Variants in TF observed in about 807,000 individuals in gnomAD.
TF encodes the protein transferrin.
A neutral mutation model predicts 82.4 loss-of-function variants in TF; 55 were observed. The observed-to-expected ratio is 0.67, with a 90% confidence interval of 0.54 to 0.84. TF has a LOEUF of 0.84. Among genes scored for constraint, TF ranks in the 40% least tolerant of loss-of-function variants. The pLI is 0.00. For synonymous variants in TF, 332 were observed against 332.6 expected, an observed-to-expected ratio of 1.00 and a Z score of 0.02; for missense variants, 737 against 868.4, an observed-to-expected ratio of 0.85 and a Z score of 1.90.
the TF span, among the ~76,000 whole-genome samples, chr3:133,693,733 G>A: frequency 6.6e-6 from 1 of 152,194 alleles, no homozygotes; most frequent in South Asian, 2.1e-4. Context: ...ACAGCCTCTG[G>A]ATACACAAGG....
chr3:133,759,196 A>C lies in TF; in HGVS notation c.1070A>C (p.Glu357Ala). The stretch of plus-strand genomic sequence containing the variant: ...ATAGGCCCAGAAGCCCCAACAGATG[A>C]ATGCAAGCCTGTGAAGTGGTGTGCG... Reference protein sequence around the residue: ...EGTCPEAPTDECKPVKWCALS... With the variant: ...EGTCPEAPTDACKPVKWCALS... The change falls in exon 9 of 17, where the codon GAA becomes GCA. Residue 357 changes from glutamate (E) to alanine (A), a missense_variant. By Grantham distance (107) the Glu-to-Ala change is moderately radical. Coordinates refer to ENST00000402696, the MANE Select transcript of TF (RefSeq NM_001063.4). 1 of 1,614,126 alleles carries C rather than the reference A, an allele frequency of 6.2e-7. No individual in the cohort carries two copies. Among genetic ancestry groups the C allele is most frequent in the Non-Finnish European group, 8.5e-7 (1 of 1,180,018 alleles).
intron 16 of TF, 179 bp from the exon 17 acceptor site, chr3:133,778,407 T>A: frequency 3.4e-6 from 2 of 591,616 alleles, no homozygotes; most frequent in South Asian, 3.4e-5. Context: ...CTCCCCAGGA[T>A]AGGCACAGGA....
At chr3:133,748,812 A>C (rs1423833392) in intron 2 of TF, 5 of 567,968 alleles carry the variant, frequency 8.8e-6, no homozygotes, top group Non-Finnish European at 1.6e-5. Flanking sequence ...CAGTAGACGC[A>C]AGGGTGACTG....
the TF span, among the ~76,000 whole-genome samples, chr3:133,679,041 T>G: frequency 1.6e-4 from 24 of 151,930 alleles, no homozygotes; most frequent in South Asian, 4.2e-4. Flanking sequence ...CCTGGCTAAT[T>G]TTTGTGTTTT....
chr3:133,713,276 G>A, the TF span, among the ~76,000 whole-genome samples: 12 of 152,362 alleles, frequency 7.9e-5, no homozygotes, highest in East Asian at 2.3e-3. Flanking sequence ...AACTAGAGGT[G>A]TTACAGCAGT....
At chr3:133,770,398 C>T (rs1289148599) in intron 13 of TF, 110 bp from the exon 14 acceptor site, 2 of 918,000 alleles carry the variant, frequency 2.2e-6, no homozygotes, top group Non-Finnish European at 1.8e-6. Context: ...ATGGAAGTTA[C>T]AGTTGCTGTT....
At chr3:133,759,479 G>A (rs1933929103) in intron 9 of TF, 150 bp downstream of exon 9, 2 of 959,052 alleles carry the variant, frequency 2.1e-6, no homozygotes, top group Admixed American at 1.9e-5. Flanking sequence ...CCCACCGGAG[G>A]TTCAGAATCT....
Position 133,755,488 on chromosome 3 carries a change from G to C in TF, c.628G>C (p.Ala210Pro), listed in dbSNP as rs776386229. Residue 210 changes from alanine (A) to proline (P), a missense_variant, in exon 5 of 17, where the codon GCC becomes CCC. Physicochemically the swap from Ala to Pro is conservative, Grantham distance 27 (BLOSUM62 -1). Coordinates refer to ENST00000402696, the MANE Select transcript of TF (RefSeq NM_001063.4). ...TAACCAATACTTCGGCTACTCGGGA[G>C]CCTTCAAGTGAGTGAGATGTCTGCT... ...TLNQYFGYSG[A>P]FKCLKDGAGD... The C allele has an allele frequency of 1.2e-6, 2 of 1,613,982 alleles. No homozygotes were observed. Among genetic ancestry groups the C allele is most frequent in the South Asian group, 2.2e-5 (2 of 91,082 alleles).
At chr3:133,675,832 A>G in the TF span, among the ~76,000 whole-genome samples, 1 of 152,196 alleles carries the variant, frequency 6.6e-6, no homozygotes, top group Non-Finnish European at 1.5e-5. Flanking sequence ...TGTATGATCA[A>G]CTTTCACAGG....
chr3:133,739,883 TGGG>T, the TF span, among the ~76,000 whole-genome samples: 1 of 152,214 alleles, frequency 6.6e-6, no homozygotes, highest in Non-Finnish European at 1.5e-5. Context: ...ACACTGTTGG[TGGG>T]AGTGTAAATT....
the TF span, among the ~76,000 whole-genome samples, chr3:133,727,139 G>T: frequency 2.0e-5 from 3 of 152,182 alleles, 1 homozygote; most frequent in African/African-American, 7.2e-5. Context: ...CTGTTGATTT[G>T]GGGTGGAGAG....
At position 133,796,462 on chromosome 3, in the gene TF, G is replaced by A. The variant is rs1487625784; in HGVS notation, c.*17842G>A. 1 of 152,280 alleles carries A rather than the reference G, an allele frequency of 6.6e-6. No homozygotes were observed. Among genetic ancestry groups the A allele is most frequent in the Non-Finnish European group, 1.5e-5 (1 of 68,096 alleles). 9.4% of individuals were successfully genotyped at this position (152,280 alleles called of 1,614,324 possible). ...AATCAAATGGAAACACTTCAGCTATGATGGGAAATGTCTTCTGTATTTACA... is the reference window on the plus strand; with the variant it reads ...AATCAAATGGAAACACTTCAGCTATAATGGGAAATGTCTTCTGTATTTACA... On this transcript the variant is annotated 3_prime_UTR_variant, in exon 17 of 17. Transcript: ENST00000402696.
intron 12 of TF, among the ~76,000 whole-genome samples, chr3:133,767,038 G>A (rs1934145543): frequency 6.6e-6 from 1 of 152,150 alleles, no homozygotes; most frequent in Non-Finnish European, 1.5e-5. Flanking sequence ...TTGTTACAAA[G>A]TACAAGGAGA....
intron 3 of TF, 71 bp from the exon 4 acceptor site, chr3:133,754,424 A>G (rs1933765999): frequency 6.6e-7 from 1 of 1,513,532 alleles, no homozygotes; most frequent in Non-Finnish European, 9.2e-7. Flanking sequence ...CCTCCTCAAG[A>G]GTCCGGTGGT....
chr3:133,784,364 T>G lies in TF; in HGVS notation c.*5744T>G, dbSNP rs920169208. 6.6e-6 allele frequency: 1 copy of G among 151,976 alleles called. No individual in the cohort carries two copies. The highest frequency in any genetic ancestry group is 2.4e-5 in the African/African-American group (1 of 41,372). 9.4% of individuals were successfully genotyped at this position (151,976 alleles called of 1,614,324 possible). The stretch of plus-strand genomic sequence containing the variant: ...GCTGCTCTCAACTTCCCCCCCAGCC[T>G]TTTAAAAGAAAACATTTGCTACATC... On this transcript the variant is annotated 3_prime_UTR_variant, in exon 17 of 17. Coordinates refer to ENST00000402696, the MANE Select transcript of TF (RefSeq NM_001063.4).
At chr3:133,768,305 G>C (rs1433390231) in intron 13 of TF, 141 bp downstream of exon 13, 2 of 1,192,640 alleles carry the variant, frequency 1.7e-6, no homozygotes, top group East Asian at 2.6e-5. Flanking sequence ...ACCAGATATA[G>C]AGCCACATGG....
At chr3:133,731,118 C>A in the TF span, among the ~76,000 whole-genome samples, 1 of 152,002 alleles carries the variant, frequency 6.6e-6, no homozygotes. Flanking sequence ...TTCCATGGAC[C>A]CTGAGGACAT....
chr3:133,756,374 A>C, intron 6 of TF, 37 bp downstream of exon 6: 1 of 1,600,494 alleles, frequency 6.2e-7, no homozygotes, highest in Non-Finnish European at 8.6e-7. Context: ...GGCCACTCCA[A>C]GTAGTGGGTG....
chr3:133,683,819 C>T, the TF span, among the ~76,000 whole-genome samples: 1 of 152,152 alleles, frequency 6.6e-6, no homozygotes, highest in African/African-American at 2.4e-5. Context: ...CAAGGATATC[C>T]AGGACTTGAA....
Sources: allele counts gnomAD v4.1 joint callset (sites outside exome capture counted in the v4.1 genomes callset), GRCh38; gene constraint gnomAD v4.1.1; transcripts MANE v1.5; gene names NCBI Gene and HGNC (gene_info 2026-07-23, HGNC 2026-07-21).